SND1: variants seen among roughly 807,000 people sequenced by gnomAD.
SND1 encodes the protein staphylococcal nuclease and tudor domain containing 1.
SND1 carries 38 observed loss-of-function variants against 121.7 expected under a neutral mutation model. That is an observed-to-expected ratio of 0.31 (90% CI 0.24 to 0.41). SND1 has a LOEUF of 0.41. Among genes scored for constraint, SND1 ranks in the 10% least tolerant of loss-of-function variants. The pLI, the probability that SND1 is intolerant of heterozygous loss-of-function variation, is 1.00. For synonymous variants in SND1, 401 were observed against 447.4 expected (o/e 0.90, Z 1.31); for missense variants, 868 against 1,184.6 (o/e 0.73, Z 3.92).
At chr7:128,064,689 T>C (rs955670226) in intron 16 of SND1, among the ~76,000 whole-genome samples, 5 of 152,022 alleles carry the variant, frequency 3.3e-5, no homozygotes, top group African/African-American at 1.2e-4. Context: ...CAGAGAGCAG[T>C]GGGATGCAGG....
chr7:127,892,459 C>T (rs765873192), intron 13 of SND1, among the ~76,000 whole-genome samples: 37 of 152,246 alleles, frequency 2.4e-4, no homozygotes, highest in Non-Finnish European at 4.7e-4. Context: ...GACCCTTCAG[C>T]GCTCCTTTAC....
At chr7:127,783,108 T>C (rs1174781088) in intron 10 of SND1, among the ~76,000 whole-genome samples, 1 of 152,238 alleles carries the variant, frequency 6.6e-6, no homozygotes, top group Admixed American at 6.5e-5. Context: ...TAGTTAGTTA[T>C]CACATGCCTT....
intron 10 of SND1, among the ~76,000 whole-genome samples, chr7:127,807,077 G>T (rs1349376338): frequency 6.6e-6 from 1 of 152,182 alleles, no homozygotes; most frequent in Non-Finnish European, 1.5e-5. Flanking sequence ...TTTACAGAAT[G>T]CTTTGTATGG....
intron 18 of SND1, among the ~76,000 whole-genome samples, chr7:128,083,261 A>T (rs124756): frequency 2.0e-5 from 3 of 152,230 alleles, no homozygotes; most frequent in Non-Finnish European, 4.4e-5. Context: ...TTGGCAGGAG[A>T]CAAAGTCCTG....
Position 127,966,190 on chromosome 7 carries a change from A to T in SND1, c.1670-24757A>T, listed in dbSNP as rs1036504928. On this transcript the variant is annotated intron_variant, in intron 15 of 23. Transcript: ENST00000354725. Reference sequence around the variant, plus strand: ...TGCTAGCGGTCTATCAATTTTGTTGATCCTTTCAAAAGCAGGTCCTGAGTG... The same window carrying T: ...TGCTAGCGGTCTATCAATTTTGTTGTTCCTTTCAAAAGCAGGTCCTGAGTG... Among the ~76,000 whole-genome samples, 6 of 151,232 alleles carry T rather than the reference A, an allele frequency of 4.0e-5. 1 individual carries two copies. The highest frequency in any genetic ancestry group is 3.3e-4 in the Admixed American group (5 of 15,180).
chr7:128,044,638 C>G (rs1334214185), intron 16 of SND1, among the ~76,000 whole-genome samples: 1 of 127,234 alleles, frequency 7.9e-6, no homozygotes, highest in African/African-American at 2.9e-5. Context: ...CCCCCACCCC[C>G]GCCACACACA....
At chr7:128,089,430 G>C in intron 21 of SND1, 59 bp from the exon 22 acceptor site, 1 of 1,507,570 alleles carries the variant, frequency 6.6e-7, no homozygotes, top group Non-Finnish European at 9.1e-7. Context: ...ATGGACAGGA[G>C]CTGGGGCCCA....
chr7:127,766,557 C>T (rs529972295), intron 10 of SND1, among the ~76,000 whole-genome samples: 6 of 152,036 alleles, frequency 3.9e-5, no homozygotes, highest in South Asian at 4.2e-4. Flanking sequence ...GGGCGAATCA[C>T]GAGGTCAGGA....
intron 12 of SND1, 28 bp from the exon 13 acceptor site, chr7:127,887,874 G>A (rs1458140538): frequency 6.6e-7 from 1 of 1,509,750 alleles, no homozygotes. Context: ...CACTTCTAGT[G>A]CTCACTGACC....
chr7:127,990,699 A>G lies in SND1; in HGVS notation c.1670-248A>G, dbSNP rs144278416. Reference sequence around the variant, plus strand: ...GCTCCTTTCGCCATGTGCTCTTGATAATTCCCAGATGCTGTGGCTGAGAGC... The same window carrying G: ...GCTCCTTTCGCCATGTGCTCTTGATGATTCCCAGATGCTGTGGCTGAGAGC... On this transcript the variant is annotated intron_variant, in intron 15 of 23. Coordinates refer to ENST00000354725, the MANE Select transcript of SND1 (RefSeq NM_014390.4). Among the ~76,000 whole-genome samples, 764 of 152,280 alleles carry G rather than the reference A, an allele frequency of 5.0e-3. 6 individuals are homozygous for G. Among genetic ancestry groups the G allele is most frequent in the African/African-American group, 0.017 (707 of 41,534 alleles).
chr7:127,868,957 T>A (rs990668646), intron 12 of SND1, among the ~76,000 whole-genome samples: 1 of 152,132 alleles, frequency 6.6e-6, no homozygotes, highest in African/African-American at 2.4e-5. Flanking sequence ...TCAGTGCATA[T>A]GATAGAGAGA....
At chr7:127,957,935 C>T (rs920467206) in intron 15 of SND1, among the ~76,000 whole-genome samples, 8 of 152,202 alleles carry the variant, frequency 5.3e-5, no homozygotes, top group Non-Finnish European at 1.0e-4. Context: ...CTCCTTGCCT[C>T]AAGCATTCCA....
chr7:127,704,828 T>C lies in SND1; in HGVS notation c.841-11T>C. 1 of 1,610,722 alleles carries C rather than the reference T, an allele frequency of 6.2e-7. No homozygotes were observed. Among genetic ancestry groups the C allele is most frequent in the Non-Finnish European group, 8.5e-7 (1 of 1,177,008 alleles). On this transcript the variant is annotated splice_polypyrimidine_tract_variant and intron_variant, in intron 7 of 23. Transcript: ENST00000354725. Reference sequence around the variant, plus strand: ...AATCCGTGCCTGCCTCTCATGTACCTTGTTTTTCAGAATGGCAACATCACA... The same window carrying C: ...AATCCGTGCCTGCCTCTCATGTACCCTGTTTTTCAGAATGGCAACATCACA...
intron 8 of SND1, among the ~76,000 whole-genome samples, chr7:127,707,158 G>A (rs184677747): frequency 6.6e-5 from 10 of 152,242 alleles, no homozygotes; most frequent in Non-Finnish European, 1.3e-4. Flanking sequence ...TATAGGATTT[G>A]GTAGCTGGTA....
intron 11 of SND1, among the ~76,000 whole-genome samples, chr7:127,811,171 C>T (rs779547086): frequency 6.6e-6 from 1 of 152,176 alleles, no homozygotes; most frequent in Non-Finnish European, 1.5e-5. Context: ...GTTATCTGAA[C>T]TAACCCAGCT....
At chr7:127,817,225 A>G (rs1798460665) in intron 11 of SND1, among the ~76,000 whole-genome samples, 1 of 152,240 alleles carries the variant, frequency 6.6e-6, no homozygotes, top group African/African-American at 2.4e-5. Flanking sequence ...ACAGAAATGT[A>G]TCACTTGATG....
chr7:127,975,467 T>C (rs1802097947), intron 15 of SND1, among the ~76,000 whole-genome samples: 1 of 149,234 alleles, frequency 6.7e-6, no homozygotes, highest in African/African-American at 2.5e-5. Context: ...GTAAGAGAGA[T>C]TGACTCCCCT....
At chr7:127,718,473 C>T (rs1199072670) in intron 9 of SND1, 1 of 620,324 alleles carries the variant, frequency 1.6e-6, no homozygotes, top group African/African-American at 2.0e-5. Flanking sequence ...ATAAACCCCA[C>T]TTATACACAC....
intron 10 of SND1, among the ~76,000 whole-genome samples, chr7:127,801,612 T>G (rs957730206): frequency 3.3e-5 from 5 of 152,130 alleles, no homozygotes; most frequent in African/African-American, 1.2e-4. Context: ...AGTTCTCTTC[T>G]CTCTCTCCTT....
Sources: allele counts gnomAD v4.1 joint callset (sites outside exome capture counted in the v4.1 genomes callset), GRCh38; gene constraint gnomAD v4.1.1; transcripts MANE v1.5; gene names NCBI Gene and HGNC (gene_info 2026-07-23, HGNC 2026-07-21).